Variants in AP4S1 observed in about 807,000 individuals in gnomAD.
AP4S1 encodes adaptor related protein complex 4 subunit sigma 1, also known as AP-4 complex subunit sigma-1.
A neutral mutation model predicts 19.8 loss-of-function variants in AP4S1; 23 were observed. The observed-to-expected ratio is 1.16, with a 90% CI of 0.84 to 1.65. AP4S1 has a LOEUF of 1.65. Among genes scored for constraint, AP4S1 ranks in the 40% most tolerant of loss-of-function variants. The pLI is 0.00. For synonymous variants in AP4S1, 46 were observed against 54.1 expected, an observed-to-expected ratio of 0.85 and a Z score of 0.66; for missense variants, 166 against 172.8, an observed-to-expected ratio of 0.96 and a Z score of 0.22.
At chr14:31,088,750 G>A (rs1347639105) in intron 5 of AP4S1, among the ~76,000 whole-genome samples, 1 of 146,098 alleles carries the variant, frequency 6.8e-6, no homozygotes, top group East Asian at 2.1e-4. Context: ...GGAGGTTACA[G>A]TGAGCCAAGA....
chr14:31,067,208 C>CAAA (rs55659438), intron 2 of AP4S1, among the ~76,000 whole-genome samples: 3 of 140,592 alleles, frequency 2.1e-5, no homozygotes, highest in Non-Finnish European at 3.1e-5. Context: ...AACTCTGTCT[C>CAAA]AAAAAAAAAA....
chr14:31,050,008 A>C (rs1162497293), intron 1 of AP4S1, among the ~76,000 whole-genome samples: 1 of 152,132 alleles, frequency 6.6e-6, no homozygotes, highest in African/African-American at 2.4e-5. Flanking sequence ...TGCAACCTCC[A>C]CTTCCCAGGT....
In AP4S1 at chr14:31,069,751, G is replaced by C. The variant is rs1032577253; in HGVS notation, c.139-92G>C. On this transcript the variant is annotated intron_variant, in intron 2 of 5. Coordinates refer to ENST00000542754, the MANE Select transcript of AP4S1 (RefSeq NM_001128126.3). ...ATATTCTATATTTCTAGGAATGTTTGTCGGGTAAATCAGAACCTAGAACTT... is the reference window on the plus strand; with the variant it reads ...ATATTCTATATTTCTAGGAATGTTTCTCGGGTAAATCAGAACCTAGAACTT... The C allele has an allele frequency of 2.4e-4, 225 of 945,348 alleles. 3 individuals carry two copies. In the Middle Eastern group the frequency reaches 2.8e-3, roughly 12 times the overall value. The allele number at this position is 945,348 out of a possible 1,614,324, so 58.6% of individuals were successfully genotyped here.
chr14:31,046,760 G>A (rs1435557953), intron 1 of AP4S1, among the ~76,000 whole-genome samples: 1 of 151,630 alleles, frequency 6.6e-6, no homozygotes, highest in Non-Finnish European at 1.5e-5. Context: ...GCAGGAGAAT[G>A]GTGTGAACCC....
chr14:31,049,426 AAAATATATAT>A (rs1214703134), intron 1 of AP4S1, among the ~76,000 whole-genome samples: 2,232 of 42,398 alleles, frequency 0.053, 16 homozygotes, highest in Non-Finnish European at 0.064. Context: ...AAAAAAAAAA[AAAATATATAT>A]ATATATATAT....
In AP4S1 at chr14:31,025,717, T is replaced by C; in HGVS notation, c.-142T>C. ...AGCCAGTGAAGGTTGGGGAGCAAGC[T>C]TATGCGGGAAAGAGGGAGGGGGACT... On this transcript the variant is annotated 5_prime_UTR_variant, in exon 1 of 6. Coordinates refer to ENST00000542754, the MANE Select transcript of AP4S1 (RefSeq NM_001128126.3). 1 of 839,086 alleles carries C rather than the reference T, an allele frequency of 1.2e-6. No individual in the cohort carries two copies. 52.0% of individuals were successfully genotyped at this position (839,086 alleles called of 1,614,324 possible). A position where few individuals can be genotyped will look rare whatever the true frequency, so the allele number is the denominator to read the frequency against.
intron 1 of AP4S1, among the ~76,000 whole-genome samples, chr14:31,046,862 AAAG>A (rs566534783): frequency 0.029 from 4,373 of 150,856 alleles, 84 homozygotes; most frequent in Non-Finnish European, 0.041. Context: ...AAAAAAAAAA[AAAG>A]AAGAAGTAGA....
chr14:31,026,364 A>T (rs1441601570), intron 1 of AP4S1: 1 of 486,854 alleles, frequency 2.1e-6, no homozygotes, highest in African/African-American at 2.1e-5. Context: ...CCGCCATTAC[A>T]ATCCCTCCTC....
chr14:31,090,792 T>C (rs1888056850), intron 5 of AP4S1, among the ~76,000 whole-genome samples: 1 of 152,280 alleles, frequency 6.6e-6, no homozygotes, highest in Non-Finnish European at 1.5e-5. Context: ...AGCTGGATTC[T>C]TATTTTAAAA....
In AP4S1 at chr14:31,096,168, C is replaced by T. The variant is rs1001645249; in HGVS notation, c.*3133C>T. On this transcript the variant is annotated 3_prime_UTR_variant, in exon 6 of 6. Transcript: ENST00000542754. ...AGGCATGAAATGAATCCTTCTCTTCCTCCCCTTTACTCCTTTAACCCCTTC... is the reference window on the plus strand; with the variant it reads ...AGGCATGAAATGAATCCTTCTCTTCTTCCCCTTTACTCCTTTAACCCCTTC... The T allele has an allele frequency of 6.6e-6, 1 of 151,740 alleles. No homozygotes were observed. Among genetic ancestry groups the T allele is most frequent in the Non-Finnish European group, 1.5e-5 (1 of 67,990 alleles). 9.4% of individuals were successfully genotyped at this position (151,740 alleles called of 1,614,324 possible).
chr14:31,052,390 C>T (rs779757510), intron 1 of AP4S1, among the ~76,000 whole-genome samples: 15 of 151,814 alleles, frequency 9.9e-5, no homozygotes, highest in Non-Finnish European at 2.1e-4. Context: ...TTTAATTATA[C>T]CTTAGGATAA....
At chr14:31,066,980 A>G (rs1461161675) in intron 2 of AP4S1, among the ~76,000 whole-genome samples, 2 of 152,212 alleles carry the variant, frequency 1.3e-5, no homozygotes, top group Admixed American at 1.3e-4. Context: ...CACGCCTGTA[A>G]TCCCAGCACT....
In AP4S1 at chr14:31,072,905, A is replaced by G; in HGVS notation, c.226A>G (p.Asn76Asp). 2.5e-6 allele frequency: 4 copies of G among 1,612,266 alleles called. No individual in the cohort carries two copies. The highest frequency in any genetic ancestry group is 3.4e-6 in the Non-Finnish European group (4 of 1,178,366). Residue 76 changes from asparagine to aspartate, a missense_variant and splice_region_variant, in exon 4 of 6, where the codon AAC becomes GAC. By Grantham distance (23) the Asn-to-Asp change is conservative (BLOSUM62 1). Coordinates refer to ENST00000542754, the MANE Select transcript of AP4S1 (RefSeq NM_001128126.3). The part of the protein sequence containing the change: ...FIVVGVNDTE[N>D]EMAIYEFIHN... Reference sequence around the variant, plus strand: ...TTGTACCTTTCTTCTTTTATTGTAGAACGAGATGGCTATTTATGAATTCAT... The same window carrying G: ...TTGTACCTTTCTTCTTTTATTGTAGGACGAGATGGCTATTTATGAATTCAT...
Position 31,072,888 on chromosome 14 carries a change from T to G in AP4S1, c.226-17T>G, listed in dbSNP as rs1887091657. ...AGCGACACTAAAATTGATTGTACCT[T>G]TCTTCTTTTATTGTAGAACGAGATG... On this transcript the variant is annotated splice_polypyrimidine_tract_variant and intron_variant, in intron 3 of 5. Coordinates refer to ENST00000542754, the MANE Select transcript of AP4S1 (RefSeq NM_001128126.3). The G allele has an allele frequency of 6.2e-7, 1 of 1,602,030 alleles. No individual in the cohort carries two copies.
chr14:31,049,413 CAAAAA>C (rs1206930739), intron 1 of AP4S1, among the ~76,000 whole-genome samples: 9 of 43,528 alleles, frequency 2.1e-4, no homozygotes, highest in African/African-American at 9.1e-4. Context: ...GACTCGGTCT[CAAAAA>C]AAAAAAAAAA....
At position 31,092,947 on chromosome 14, in the gene AP4S1, A is replaced by C. The variant is rs1888115766; in HGVS notation, c.347A>C (p.Glu116Ala). 2 of 1,546,316 alleles carry C rather than the reference A, an allele frequency of 1.3e-6. No homozygotes were observed. Among genetic ancestry groups the C allele is most frequent in the East Asian group, 4.9e-5 (2 of 40,812 alleles). ...NLDKVHIILD[E>A]MVLNGCIVET... is the part of the protein sequence containing the mutation. The stretch of plus-strand genomic sequence containing the variant: ...GATAAAGTACACATCATTTTGGATG[A>C]GATGGTGTTAAATGGCTGCATTGTG... The change falls in exon 6 of 6, where the codon GAG becomes GCG. Residue 116 changes from glutamate to alanine, a missense_variant. Physicochemically the swap from Glu to Ala is moderately radical, Grantham distance 107 (BLOSUM62 -1). Transcript: ENST00000542754.
chr14:31,069,280 C>T (rs929157801), intron 2 of AP4S1, among the ~76,000 whole-genome samples: 11 of 152,082 alleles, frequency 7.2e-5, no homozygotes, highest in East Asian at 1.9e-4. Context: ...GTTTACAATG[C>T]GAGATTTTGT....
At chr14:31,078,618 C>G (rs780697677) in intron 4 of AP4S1, among the ~76,000 whole-genome samples, 16 of 151,880 alleles carry the variant, frequency 1.1e-4, no homozygotes, top group Non-Finnish European at 2.2e-4. Context: ...AAAGTGGGTA[C>G]AAGTACTATC....
chr14:31,041,000 A>G (rs1262536174), intron 1 of AP4S1, among the ~76,000 whole-genome samples: 1 of 150,000 alleles, frequency 6.7e-6, no homozygotes, highest in Non-Finnish European at 1.5e-5. Flanking sequence ...GTGTGAACCC[A>G]GGGAGGTGGA....
Sources: gnomAD v4.1 joint callset for allele counts (sites outside exome capture counted in the v4.1 genomes callset) on GRCh38, gnomAD v4.1.1 for gene constraint, MANE v1.5 for transcripts, NCBI Gene and HGNC (gene_info 2026-07-23, HGNC 2026-07-21) for gene names.